Variants in CNTN4 observed in about 807,000 individuals in gnomAD.
CNTN4 encodes the protein contactin-4.
In CNTN4, 77 loss-of-function variants were observed where a neutral mutation model predicts 122.5. The ratio of observed to expected loss-of-function variants is 0.63; its 90% confidence interval spans 0.52 to 0.76. The LOEUF (loss-of-function observed/expected upper bound fraction) is 0.76, where lower values mean the gene tolerates loss of function less well. Among genes scored for constraint, CNTN4 ranks in the 30% least tolerant of loss-of-function variants. The pLI is 0.00. For synonymous variants in CNTN4, 512 were observed against 447.0 expected (o/e 1.15, Z -1.83); for missense variants, 1,256 against 1,259.1 (o/e 1.00, Z 0.04).
intron 2 of CNTN4, among the ~76,000 whole-genome samples, chr3:2,275,621 C>T (rs1157362801): frequency 6.6e-6 from 1 of 151,810 alleles, no homozygotes; most frequent in Non-Finnish European, 1.5e-5. Flanking sequence ...TTATTTTTCT[C>T]ATCAAAAAAT....
Position 2,851,405 on chromosome 3 carries a change from C to T in CNTN4, c.455-15347C>T, listed in dbSNP as rs2093548278. On this transcript the variant is annotated intron_variant, in intron 7 of 24. Coordinates refer to ENST00000418658, the MANE Select transcript of CNTN4 (RefSeq NM_175607.3). ...GCCTAAATATTGGCCACACGTGTCT[C>T]CAGTACTCTGTCTTACTCTGATGGC... 2.0e-5 allele frequency among the ~76,000 whole-genome samples: 3 copies of T among 152,314 alleles called. 1 individual carries two copies. Among genetic ancestry groups the T allele is most frequent in the Admixed American group, 1.3e-4 (2 of 15,304 alleles).
chr3:2,357,720 G>C (rs1365635735), intron 3 of CNTN4, among the ~76,000 whole-genome samples: 1 of 152,164 alleles, frequency 6.6e-6, no homozygotes, highest in Non-Finnish European at 1.5e-5. Context: ...AGCAGTCTGT[G>C]TCATTTCTCA....
Position 2,393,311 on chromosome 3 carries a change from A to G in CNTN4, c.-89+54078A>G, listed in dbSNP as rs999367179. ...ATACCTGTAATGACCCTATTTTTAA[A>G]TAGGTCACATTCTGAGCTGCTGAAG... On this transcript the variant is annotated intron_variant, in intron 3 of 24. Coordinates refer to ENST00000418658, the MANE Select transcript of CNTN4 (RefSeq NM_175607.3). Among the ~76,000 whole-genome samples, 24 of 152,286 alleles carry G rather than the reference A, an allele frequency of 1.6e-4. No individual in the cohort carries two copies. The South Asian group carries it at 3.5e-3, about 22-fold the overall frequency.
intron 3 of CNTN4, among the ~76,000 whole-genome samples, chr3:2,560,873 G>T (rs144349487): frequency 1.3e-5 from 2 of 152,132 alleles, no homozygotes; most frequent in East Asian, 3.9e-4. Context: ...ATAGAGTGCC[G>T]TAGTAGATTT....
At chr3:2,703,144 A>T (rs1050631729) in intron 4 of CNTN4, among the ~76,000 whole-genome samples, 1 of 152,216 alleles carries the variant, frequency 6.6e-6, no homozygotes, top group Non-Finnish European at 1.5e-5. Flanking sequence ...GAGAAGGTTT[A>T]GTAAATTGCT....
chr3:2,738,660 C>T (rs780787894), intron 5 of CNTN4, among the ~76,000 whole-genome samples: 49 of 152,038 alleles, frequency 3.2e-4, no homozygotes, highest in Non-Finnish European at 5.3e-4. Flanking sequence ...TTCATGACAA[C>T]ATTAGAAACA....
At chr3:2,788,077 T>G (rs191885605) in intron 6 of CNTN4, among the ~76,000 whole-genome samples, 23 of 152,248 alleles carry the variant, frequency 1.5e-4, no homozygotes, top group Middle Eastern at 3.4e-3. Context: ...GTGCCCGGCC[T>G]ATAGTATTAA....
At chr3:2,838,481 A>G (rs1324936822) in intron 7 of CNTN4, among the ~76,000 whole-genome samples, 2 of 151,146 alleles carry the variant, frequency 1.3e-5, no homozygotes, top group African/African-American at 2.4e-5. Context: ...TAGAGCATGG[A>G]TGAGAGAAAT....
intron 18 of CNTN4, 112 bp from the exon 19 acceptor site, chr3:3,038,819 AAG>A (rs774475546): frequency 8.4e-5 from 66 of 781,424 alleles, no homozygotes; most frequent in Middle Eastern, 6.3e-4. Flanking sequence ...TCCAGAGACA[AAG>A]GGGCGTGCCT....
At chr3:2,668,424 A>G (rs1290510501) in intron 4 of CNTN4, among the ~76,000 whole-genome samples, 1 of 152,098 alleles carries the variant, frequency 6.6e-6, no homozygotes, top group Non-Finnish European at 1.5e-5. Flanking sequence ...AATGCTTGTG[A>G]TTTTTGCACA....
intron 3 of CNTN4, among the ~76,000 whole-genome samples, chr3:2,433,987 C>G (rs1339323462): frequency 1.3e-5 from 2 of 151,902 alleles, no homozygotes; most frequent in Non-Finnish European, 2.9e-5. Flanking sequence ...GTGATGGTTA[C>G]CAGAGGCTGG....
At chr3:3,004,885 G>A (rs1393446913) in intron 14 of CNTN4, among the ~76,000 whole-genome samples, 1 of 152,196 alleles carries the variant, frequency 6.6e-6, no homozygotes, top group Non-Finnish European at 1.5e-5. Context: ...CTCTTCAGGG[G>A]TCAGCTGGGT....
chr3:2,217,052 T>G (rs1213510380), intron 2 of CNTN4, among the ~76,000 whole-genome samples: 1 of 152,182 alleles, frequency 6.6e-6, no homozygotes, highest in Non-Finnish European at 1.5e-5. Context: ...AGCTGTTGCT[T>G]TAGGATCCTA....
intron 3 of CNTN4, among the ~76,000 whole-genome samples, chr3:2,527,567 C>A (rs543350187): frequency 2.0e-5 from 3 of 152,260 alleles, no homozygotes; most frequent in African/African-American, 7.2e-5. Context: ...CCTGTTCTAT[C>A]TTTGCATGCG....
At chr3:2,585,357 A>T (rs2080140825) in intron 4 of CNTN4, among the ~76,000 whole-genome samples, 2 of 151,396 alleles carry the variant, frequency 1.3e-5, no homozygotes, top group Admixed American at 1.3e-4. Flanking sequence ...CCAAGGGATT[A>T]TAAATCATGC....
intron 2 of CNTN4, among the ~76,000 whole-genome samples, chr3:2,315,876 G>C (rs1017068160): frequency 1.3e-5 from 2 of 151,902 alleles, no homozygotes; most frequent in Admixed American, 1.3e-4. Flanking sequence ...ATATTTATAA[G>C]GCAGAATTCC....
At chr3:2,722,568 C>T (rs1167872264) in intron 4 of CNTN4, among the ~76,000 whole-genome samples, 1 of 152,098 alleles carries the variant, frequency 6.6e-6, no homozygotes, top group Non-Finnish European at 1.5e-5. Flanking sequence ...GACCCAACAA[C>T]TCAATGGACG....
intron 3 of CNTN4, among the ~76,000 whole-genome samples, chr3:2,545,106 T>G (rs1459186324): frequency 6.6e-6 from 1 of 152,102 alleles, no homozygotes; most frequent in Non-Finnish European, 1.5e-5. Context: ...ATTTCTTGAT[T>G]TCTGCCTTAA....
At chr3:2,990,134 G>A (rs1305018254) in intron 14 of CNTN4, among the ~76,000 whole-genome samples, 1 of 152,142 alleles carries the variant, frequency 6.6e-6, no homozygotes, top group Admixed American at 6.5e-5. Flanking sequence ...TGTGGTGCCT[G>A]GCACCTAGGA....
Sources: gnomAD v4.1 joint callset for allele counts (sites outside exome capture counted in the v4.1 genomes callset) on GRCh38, gnomAD v4.1.1 for gene constraint, MANE v1.5 for transcripts, NCBI Gene and HGNC (gene_info 2026-07-23, HGNC 2026-07-21) for gene names.